Variants in LOC400499 observed in about 807,000 individuals in gnomAD.
the LOC400499 span, among the ~76,000 whole-genome samples, chr16:11,446,396 G>A: frequency 5.9e-4 from 90 of 152,132 alleles, no homozygotes; most frequent in African/African-American, 2.0e-3. Flanking sequence ...GGTCTTAAGC[G>A]ATCTTCTCAC....
the LOC400499 span, among the ~76,000 whole-genome samples, chr16:11,484,286 C>T: frequency 8.6e-5 from 13 of 151,952 alleles, 1 homozygote; most frequent in Admixed American, 4.6e-4. Flanking sequence ...GGATTACAGG[C>T]GTGAGCCACT....
the LOC400499 span, among the ~76,000 whole-genome samples, chr16:11,394,962 G>C: frequency 2.0e-5 from 3 of 152,246 alleles, no homozygotes; most frequent in Non-Finnish European, 2.9e-5. Context: ...CCTAGGAATC[G>C]AATGCAGGGT....
chr16:11,467,663 T>C, the LOC400499 span, among the ~76,000 whole-genome samples: 3 of 152,174 alleles, frequency 2.0e-5, no homozygotes, highest in Non-Finnish European at 4.4e-5. Flanking sequence ...ACAACTGGGT[T>C]TTCATGCTAT....
chr16:11,434,887 G>C, the LOC400499 span, among the ~76,000 whole-genome samples: 3 of 152,134 alleles, frequency 2.0e-5, no homozygotes, highest in African/African-American at 7.2e-5. Context: ...CACATGAGTA[G>C]GTAAATATAT....
the LOC400499 span, among the ~76,000 whole-genome samples, chr16:11,382,039 C>G: frequency 6.6e-6 from 1 of 151,598 alleles, no homozygotes. Context: ...TGGGTTCAAG[C>G]GATTCTCCTG....
the LOC400499 span, chr16:11,449,182 T>G: frequency 2.4e-6 from 3 of 1,265,008 alleles, no homozygotes; most frequent in Non-Finnish European, 3.1e-6. Context: ...CTTTCATCTC[T>G]TTCCTGCTTG....
chr16:11,417,967 C>A, the LOC400499 span: 2 of 397,122 alleles, frequency 5.0e-6, no homozygotes, highest in Non-Finnish European at 8.9e-6. Context: ...GGGAGGAACT[C>A]AGACCCTCTT....
chr16:11,461,012 G>A, the LOC400499 span: 54 of 1,535,922 alleles, frequency 3.5e-5, no homozygotes, highest in Middle Eastern at 3.3e-4. Context: ...AGCTGGCCCC[G>A]TTGCTGCAGC....
chr16:11,515,868 CCAGCCCAGCCCAGCCCAGCCCAGCCT>C, the LOC400499 span: 1 of 34,474 alleles, frequency 2.9e-5, no homozygotes, highest in Non-Finnish European at 8.1e-5. Context: ...CCAGCCCAGC[CCAGCCCAGCCCAGCCCAGCCCAGCCT>C]AGCCCAGCCC....
the LOC400499 span, among the ~76,000 whole-genome samples, chr16:11,416,569 C>G: frequency 5.0e-3 from 762 of 152,296 alleles, 5 homozygotes; most frequent in Admixed American, 9.6e-3. Flanking sequence ...CCTCACAGAG[C>G]ACACATTCTG....
chr16:11,402,870 C>T, the LOC400499 span, among the ~76,000 whole-genome samples: 1 of 152,130 alleles, frequency 6.6e-6, no homozygotes, highest in South Asian at 2.1e-4. Flanking sequence ...CCTCAACAAC[C>T]TGCATCCCTC....
chr16:11,374,965 C>A, the LOC400499 span, among the ~76,000 whole-genome samples: 1 of 152,104 alleles, frequency 6.6e-6, no homozygotes, highest in Non-Finnish European at 1.5e-5. Flanking sequence ...CCTCATGCCT[C>A]AGCCTCCCAA....
chr16:11,441,142 T>C, the LOC400499 span: 1 of 398,430 alleles, frequency 2.5e-6, no homozygotes, highest in Non-Finnish European at 4.4e-6. Flanking sequence ...CTGCAGAAGC[T>C]ACCCTGGGAA....
the LOC400499 span, among the ~76,000 whole-genome samples, chr16:11,473,777 G>A: frequency 6.7e-6 from 1 of 150,146 alleles, no homozygotes; most frequent in East Asian, 1.9e-4. Flanking sequence ...AAAGTTATGC[G>A]ATATGTCAAT....
At chr16:11,408,127 C>G in the LOC400499 span, among the ~76,000 whole-genome samples, 3 of 151,996 alleles carry the variant, frequency 2.0e-5, no homozygotes, top group Non-Finnish European at 4.4e-5. Context: ...AGATTACAGG[C>G]ATGTACCACC....
At chr16:11,434,659 C>G in the LOC400499 span, among the ~76,000 whole-genome samples, 1 of 152,200 alleles carries the variant, frequency 6.6e-6, no homozygotes, top group African/African-American at 2.4e-5. Flanking sequence ...ATTACACCTG[C>G]AGCAAAGATG....
At chr16:11,441,609 G>C in the LOC400499 span, among the ~76,000 whole-genome samples, 2 of 132,162 alleles carry the variant, frequency 1.5e-5, no homozygotes, top group African/African-American at 5.8e-5. Context: ...AGTGTGATTG[G>C]ATTGAGGATC....
the LOC400499 span, among the ~76,000 whole-genome samples, chr16:11,426,049 A>T: frequency 6.6e-6 from 1 of 152,256 alleles, no homozygotes; most frequent in East Asian, 1.9e-4. Context: ...AGTCCAATTT[A>T]ATTCACACTA....
At chr16:11,376,047 A>G in the LOC400499 span, among the ~76,000 whole-genome samples, 3 of 152,060 alleles carry the variant, frequency 2.0e-5, no homozygotes, top group Admixed American at 6.5e-5. Context: ...CCCTTTGTAC[A>G]TTGTTGAACC....
Sources: allele counts gnomAD v4.1 joint callset (sites outside exome capture counted in the v4.1 genomes callset), GRCh38; gene constraint gnomAD v4.1.1; transcripts MANE v1.5.